The following RAVER2 variants were observed in gnomAD, a reference collection of about 807,000 sequenced individuals.
RAVER2 encodes ribonucleoprotein PTB-binding 2.
RAVER2 carries 46 observed loss-of-function variants against 78.1 expected under a neutral mutation model. That is an observed-to-expected ratio of 0.59 (90% confidence interval 0.46 to 0.75). The LOEUF (loss-of-function observed/expected upper bound fraction) is 0.75. Among genes scored for constraint, RAVER2 ranks in the 30% least tolerant of loss-of-function variants. RAVER2 has a pLI of 0.00. For synonymous variants in RAVER2, 311 were observed against 313.3 expected, an observed-to-expected ratio of 0.99 and a Z score of 0.08; for missense variants, 793 against 837.5, an observed-to-expected ratio of 0.95 and a Z score of 0.66.
chr1:64,759,060 C>T (rs566496698), intron 1 of RAVER2, among the ~76,000 whole-genome samples: 13 of 151,634 alleles, frequency 8.6e-5, no homozygotes, highest in Non-Finnish European at 1.8e-4. Flanking sequence ...CAAGGAGAAC[C>T]TTTTATAGTT....
chr1:64,764,010 T>C (rs1652105527), intron 1 of RAVER2, among the ~76,000 whole-genome samples: 1 of 151,910 alleles, frequency 6.6e-6, no homozygotes, highest in African/African-American at 2.4e-5. Context: ...TCAGCAATTA[T>C]ACTCCCAGCT....
exon 10 of RAVER2, chr1:64,812,799 A>G: frequency 1.2e-6 from 2 of 1,612,156 alleles, no homozygotes; most frequent in South Asian, 2.2e-5. Flanking sequence ...CGGCTCAGTA[A>G]AAATCCATAC....
intron 9 of RAVER2, among the ~76,000 whole-genome samples, chr1:64,810,295 C>G (rs1653568530): frequency 6.6e-6 from 1 of 152,132 alleles, no homozygotes; most frequent in African/African-American, 2.4e-5. Context: ...GTTTAAACAA[C>G]AAACATTTAT....
At chr1:64,753,076 C>T (rs1040738403) in intron 1 of RAVER2, among the ~76,000 whole-genome samples, 17 of 152,284 alleles carry the variant, frequency 1.1e-4, no homozygotes, top group African/African-American at 3.9e-4. Context: ...TTACTACCAA[C>T]CAATAGTATC....
At chr1:64,832,025 A>G (rs1199010088) in exon 12 of RAVER2, 2 of 152,518 alleles carry the variant, frequency 1.3e-5, no homozygotes, top group African/African-American at 2.4e-5. Flanking sequence ...AATAGCAACT[A>G]TTCCTTTCAA....
At position 64,790,113 on chromosome 1, in the gene RAVER2, G is replaced by A. The variant is rs116305610; in HGVS notation, c.1105+599G>A. ...TGTACAACTTTTTATGTACAAAAAT[G>A]TCTGTTTTAGCATTATGAGGAAATG... On this transcript the variant is annotated intron_variant, in intron 5 of 11. Coordinates refer to ENST00000294428, the Ensembl canonical transcript of RAVER2. 6.6e-3 allele frequency among the ~76,000 whole-genome samples: 1,006 copies of A among 152,224 alleles called. 7 individuals are homozygous for A. Among genetic ancestry groups the A allele is most frequent in the Non-Finnish European group, 9.1e-3 (618 of 67,996 alleles).
chr1:64,771,986 T>C (rs570573510), intron 2 of RAVER2, among the ~76,000 whole-genome samples: 19 of 152,220 alleles, frequency 1.2e-4, no homozygotes, highest in Admixed American at 1.2e-3. Flanking sequence ...TTTTGGCACA[T>C]GCTTGCCTTC....
intron 9 of RAVER2, among the ~76,000 whole-genome samples, chr1:64,812,135 G>A (rs1220624869): frequency 6.6e-6 from 1 of 151,928 alleles, no homozygotes; most frequent in Non-Finnish European, 1.5e-5. Context: ...CCAAGGCGGG[G>A]GCATCACGAA....
intron 11 of RAVER2, among the ~76,000 whole-genome samples, chr1:64,823,072 G>T (rs1223276939): frequency 2.6e-5 from 4 of 152,084 alleles, no homozygotes; most frequent in Non-Finnish European, 4.4e-5. Context: ...TTTGGGGAGG[G>T]GAGAGTGATA....
intron 11 of RAVER2, among the ~76,000 whole-genome samples, chr1:64,830,499 A>T (rs1281470062): frequency 6.6e-6 from 1 of 152,144 alleles, no homozygotes; most frequent in Non-Finnish European, 1.5e-5. Context: ...AGGAATACTG[A>T]CATTCGGTGT....
chr1:64,808,585 C>A (rs1653512545), intron 9 of RAVER2, among the ~76,000 whole-genome samples: 5 of 150,632 alleles, frequency 3.3e-5, no homozygotes, highest in Admixed American at 2.0e-4. Flanking sequence ...CCTCAGCCTT[C>A]CAAGTAGCTG....
At chr1:64,800,466 A>G (rs961981339) in intron 5 of RAVER2, among the ~76,000 whole-genome samples, 2 of 152,148 alleles carry the variant, frequency 1.3e-5, no homozygotes, top group Admixed American at 6.5e-5. Flanking sequence ...GTTTTTATAT[A>G]TGGTGAGAGA....
intron 5 of RAVER2, among the ~76,000 whole-genome samples, chr1:64,796,973 T>C (rs1461312067): frequency 6.6e-6 from 1 of 152,180 alleles, no homozygotes; most frequent in African/African-American, 2.4e-5. Context: ...TTTTGATTTA[T>C]TTGGTCAGTT....
intron 4 of RAVER2, among the ~76,000 whole-genome samples, chr1:64,783,620 T>G (rs538502252): frequency 6.6e-6 from 1 of 152,164 alleles, no homozygotes. Context: ...TTTAAGTTCT[T>G]TGTAGATTCT....
Position 64,781,286 on chromosome 1 carries a change from A to G in RAVER2, c.787-94A>G, listed in dbSNP as rs1358211272. 7.7e-6 allele frequency: 9 copies of G among 1,175,804 alleles called. No homozygotes were observed. In the East Asian group the frequency reaches 1.5e-4, roughly 19 times the overall value. 72.8% of individuals were successfully genotyped at this position (1,175,804 alleles called of 1,614,324 possible). A position where few individuals can be genotyped will look rare whatever the true frequency, so the allele number is the denominator to read the frequency against. On this transcript the variant is annotated intron_variant, in intron 3 of 11. Transcript: ENST00000294428. ...TTATTTCCACCAGTATCATGCTCCAATGCACTTGTTCTTGAATTTGAAAAT... is the reference window on the plus strand; with the variant it reads ...TTATTTCCACCAGTATCATGCTCCAGTGCACTTGTTCTTGAATTTGAAAAT...
At chr1:64,768,416 T>A (rs1324916237) in intron 1 of RAVER2, among the ~76,000 whole-genome samples, 1 of 152,002 alleles carries the variant, frequency 6.6e-6, no homozygotes, top group African/African-American at 2.4e-5. Flanking sequence ...GAACAGTGCA[T>A]GGTATACTTG....
intron 1 of RAVER2, among the ~76,000 whole-genome samples, chr1:64,758,777 T>C (rs540430395): frequency 2.0e-5 from 3 of 152,330 alleles, no homozygotes; most frequent in African/African-American, 4.8e-5. Flanking sequence ...CCTGGACTTA[T>C]GATCTACAGA....
At chr1:64,825,436 G>A (rs182212420) in intron 11 of RAVER2, among the ~76,000 whole-genome samples, 457 of 152,246 alleles carry the variant, frequency 3.0e-3, no homozygotes, top group African/African-American at 0.01. Context: ...GAGTCCTTGA[G>A]GCAGAATTTT....
chr1:64,804,928 G>A, intron 7 of RAVER2, 63 bp from the exon 8 acceptor site: 1 of 1,544,146 alleles, frequency 6.5e-7, no homozygotes, highest in Non-Finnish European at 8.9e-7. Context: ...ATTTTCACGT[G>A]TGTAGCTTTT....
Sources: gnomAD v4.1 joint callset for allele counts (sites outside exome capture counted in the v4.1 genomes callset) on GRCh38, gnomAD v4.1.1 for gene constraint, MANE v1.5 for transcripts, NCBI Gene and HGNC (gene_info 2026-07-23, HGNC 2026-07-21) for gene names.